Variants in SEMA5B observed in about 807,000 individuals in gnomAD.
SEMA5B encodes semaphorin 5B, also known as semaphorin-5B.
A neutral mutation model predicts 135.0 loss-of-function variants in SEMA5B; 66 were observed. The observed-to-expected ratio is 0.49, with a 90% CI of 0.40 to 0.60. The LOEUF is 0.60. Among genes scored for constraint, SEMA5B ranks in the 20% least tolerant of loss-of-function variants. The pLI is 0.00. For synonymous variants in SEMA5B, 690 were observed against 639.5 expected, an observed-to-expected ratio of 1.08 and a Z score of -1.19; for missense variants, 1,501 against 1,566.3, an observed-to-expected ratio of 0.96 and a Z score of 0.70.
chr3:122,954,708 T>C (rs1940203390), intron 2 of SEMA5B, among the ~76,000 whole-genome samples: 1 of 151,968 alleles, frequency 6.6e-6, no homozygotes. Context: ...CCTTTAGCCA[T>C]ATGCTAAGGA....
chr3:122,921,990 C>T lies in SEMA5B; in HGVS notation c.1613G>A (p.Arg538His), dbSNP rs1343512515. The change falls in exon 12 of 23, where the codon CGC (arginine) becomes CAC (histidine). Residue 538 changes from arginine (R) to histidine (H), a missense_variant. By Grantham distance (29) the Arg-to-His change is conservative. Around this residue, in one of 2 missense-constraint regions of SEMA5B, gnomAD observed 927 missense variants for 881.6 expected, o/e 1.05. Transcript: ENST00000357599. The part of the protein sequence containing the change: ...LRSLRILHSA[R>H]ALFVGLRDGV... ...GTCTCTCAGCCCCACGAAGAGCGCG[C>T]GGGCGCTGTGCAGGATGCGCAGGCT... The T allele has an allele frequency of 1.3e-6, 2 of 1,534,674 alleles. No individual in the cohort carries two copies. Among genetic ancestry groups the T allele is most frequent in the Non-Finnish European group, 1.7e-6 (2 of 1,144,280 alleles).
chr3:122,915,923 C>T, intron 12 of SEMA5B, 33 bp from the exon 13 acceptor site: 1 of 1,567,762 alleles, frequency 6.4e-7, no homozygotes, highest in Non-Finnish European at 8.8e-7. Flanking sequence ...TTCAAGCCCA[C>T]TGGCTTCCCA....
chr3:122,946,974 A>G (rs1172578337), intron 3 of SEMA5B, among the ~76,000 whole-genome samples: 1 of 152,032 alleles, frequency 6.6e-6, no homozygotes, highest in African/African-American at 2.4e-5. Context: ...CCCCAACCCA[A>G]TTTGCACAGA....
At chr3:122,979,616 A>T (rs1470398) in intron 1 of SEMA5B, among the ~76,000 whole-genome samples, 1 of 152,052 alleles carries the variant, frequency 6.6e-6, no homozygotes, top group Non-Finnish European at 1.5e-5. Flanking sequence ...CACAATTGGG[A>T]TGTCCCCCCA....
chr3:122,936,303 G>A (rs1215272341), intron 5 of SEMA5B, among the ~76,000 whole-genome samples: 1 of 152,142 alleles, frequency 6.6e-6, no homozygotes, highest in African/African-American at 2.4e-5. Flanking sequence ...ACGGACACTT[G>A]GGGGCCAGGG....
chr3:122,936,824 C>G (rs777957427), intron 5 of SEMA5B, among the ~76,000 whole-genome samples: 1 of 152,228 alleles, frequency 6.6e-6, no homozygotes, highest in Non-Finnish European at 1.5e-5. Context: ...CTGCTCCTAG[C>G]TGCACCTCTT....
intron 1 of SEMA5B, among the ~76,000 whole-genome samples, chr3:122,992,304 T>G (rs578255368): frequency 2.6e-5 from 4 of 152,256 alleles, no homozygotes; most frequent in African/African-American, 9.6e-5. Context: ...CACAGAGACT[T>G]TTCAATGGCT....
intron 1 of SEMA5B, among the ~76,000 whole-genome samples, chr3:122,966,569 T>TTA (rs1560379029): frequency 7.6e-6 from 1 of 130,968 alleles, no homozygotes; most frequent in African/African-American, 3.7e-5. Flanking sequence ...TATTATTATT[T>TTA]TTTGAGACGG....
intron 1 of SEMA5B, among the ~76,000 whole-genome samples, chr3:122,963,238 T>C (rs1282641140): frequency 1.3e-5 from 2 of 152,180 alleles, no homozygotes; most frequent in Non-Finnish European, 2.9e-5. Flanking sequence ...GGCTCATGCC[T>C]GTAATCCCAG....
At chr3:123,005,388 G>T (rs1247291592) in intron 1 of SEMA5B, among the ~76,000 whole-genome samples, 1 of 152,064 alleles carries the variant, frequency 6.6e-6, no homozygotes, top group Non-Finnish European at 1.5e-5. Flanking sequence ...TAGAGAAAGG[G>T]TCTTGCTCTG....
chr3:122,965,920 G>A (rs1940797578), intron 1 of SEMA5B, among the ~76,000 whole-genome samples: 1 of 152,230 alleles, frequency 6.6e-6, no homozygotes, highest in Admixed American at 6.5e-5. Flanking sequence ...TCCTCTCAGA[G>A]TCTGCCAGAC....
At chr3:122,955,119 T>A (rs920137298) in intron 2 of SEMA5B, among the ~76,000 whole-genome samples, 1 of 151,990 alleles carries the variant, frequency 6.6e-6, no homozygotes, top group African/African-American at 2.4e-5. Context: ...TTCTTCTTTT[T>A]TTTTTTTAGA....
At position 122,966,553 on chromosome 3, in the gene SEMA5B, TA is replaced by T. The variant is rs1560378701; in HGVS notation, c.-38-5253del. On this transcript the variant is annotated intron_variant, in intron 1 of 22. Coordinates refer to ENST00000357599, the MANE Select transcript of SEMA5B (RefSeq NM_001031702.4). ...TAAGAATGTTTATTATTATTATTAT[TA>T]TTATTATTATTATTTTTTGAGACGG... Among the ~76,000 whole-genome samples, 202 of 147,706 alleles carry T rather than the reference TA, an allele frequency of 1.4e-3. 2 individuals carry two copies. Among genetic ancestry groups the T allele is most frequent in the African/African-American group, 4.9e-3 (190 of 38,958 alleles).
chr3:122,912,899 A>T lies in SEMA5B; in HGVS notation c.2669T>A (p.Leu890Gln). The T allele has an allele frequency of 6.2e-7, 1 of 1,611,142 alleles. No individual in the cohort carries two copies. The highest frequency in any genetic ancestry group is 1.1e-5 in the South Asian group (1 of 90,780). The part of the protein sequence containing the change: ...CTNPEPRNGG[L>Q]PCVGDAAEYQ... ...CTCGGCAGCATCGCCCACGCAGGGC[A>T]GGCCCCCGTTGCGGGGCTCCGGGTT... is the stretch of plus-strand genomic sequence containing the variant. The change falls in exon 18 of 23, where the codon CTG becomes CAG. Residue 890 changes from leucine (L) to glutamine (Q), a missense_variant. Around this residue, in one of 2 missense-constraint regions of SEMA5B, gnomAD observed 927 missense variants for 881.6 expected, o/e 1.05. Coordinates refer to ENST00000357599, the MANE Select transcript of SEMA5B (RefSeq NM_001031702.4).
At chr3:123,004,734 GAT>G (rs1489918518) in intron 1 of SEMA5B, among the ~76,000 whole-genome samples, 2 of 152,182 alleles carry the variant, frequency 1.3e-5, no homozygotes, top group African/African-American at 2.4e-5. Context: ...CCTCCACACT[GAT>G]GGAAATTGAT....
intron 1 of SEMA5B, among the ~76,000 whole-genome samples, chr3:123,022,270 C>T (rs1576414414): frequency 6.6e-6 from 1 of 152,350 alleles, no homozygotes; most frequent in East Asian, 1.9e-4. Flanking sequence ...GGTCACTAAA[C>T]ATCCTTCAAG....
rs9873234 is a variant in SEMA5B, at chr3:122,995,727, A to G, written c.-39+31737T>C. Among the ~76,000 whole-genome samples, 644 of 152,264 alleles carry G rather than the reference A, an allele frequency of 4.2e-3. 9 individuals carry two copies. Among genetic ancestry groups the G allele is most frequent in the African/African-American group, 0.014 (573 of 41,548 alleles). ...CCAGGAGGTTTGGGTTCTCGTCCCT[A>G]TTCTGCCAACAATTGGCTGGGCTGC... On this transcript the variant is annotated intron_variant, in intron 1 of 22. Transcript: ENST00000357599.
intron 1 of SEMA5B, among the ~76,000 whole-genome samples, chr3:123,026,543 GGGC>G (rs1267157623): frequency 2.0e-5 from 3 of 152,092 alleles, no homozygotes; most frequent in Non-Finnish European, 2.9e-5. Context: ...CGGCTCCGTT[GGGC>G]CGGGTTTTCT....
chr3:122,928,673 C>G (rs1938777939), intron 6 of SEMA5B, 58 bp from the exon 7 acceptor site: 2 of 1,233,318 alleles, frequency 1.6e-6, no homozygotes, highest in Non-Finnish European at 2.3e-6. Context: ...TGCTGGATAT[C>G]TCACGCTCAC....
Sources: allele counts gnomAD v4.1 joint callset (sites outside exome capture counted in the v4.1 genomes callset), GRCh38; gene constraint gnomAD v4.1.1; regional missense constraint gnomAD v4.1.1; transcripts MANE v1.5; gene names NCBI Gene and HGNC (gene_info 2026-07-23, HGNC 2026-07-21).